DIP2C: variants seen among roughly 807,000 people sequenced by gnomAD.
DIP2C encodes DIP2 acetate--CoA ligase C (putative).
DIP2C carries 33 observed loss-of-function variants against 192.4 expected under a neutral mutation model. The observed-to-expected ratio is 0.17, with a 90% CI of 0.13 to 0.23. DIP2C has a LOEUF of 0.23. Among genes scored for constraint, DIP2C ranks in the 10% least tolerant of loss-of-function variants. The pLI is 1.00. For missense variants in DIP2C, 1,537 were observed against 2,110.1 expected (o/e 0.73, Z 5.32); for synonymous variants, 979 against 864.1 (o/e 1.13, Z -2.33).
intron 1 of DIP2C, among the ~76,000 whole-genome samples, chr10:624,117 G>A (rs1001506750): frequency 8.5e-5 from 13 of 152,226 alleles, no homozygotes; most frequent in African/African-American, 2.2e-4. Context: ...GCCCAAGGGC[G>A]CAGCCCCTGA....
chr10:571,133 G>C (rs1314515374), intron 1 of DIP2C, among the ~76,000 whole-genome samples: 1 of 152,210 alleles, frequency 6.6e-6, no homozygotes, highest in Non-Finnish European at 1.5e-5. Flanking sequence ...AGGAATCCCT[G>C]ACATTTCCAA....
At chr10:342,809 C>T (rs979864513) in intron 28 of DIP2C, among the ~76,000 whole-genome samples, 4 of 152,158 alleles carry the variant, frequency 2.6e-5, no homozygotes, top group African/African-American at 9.7e-5. Flanking sequence ...GAAGAGCTTC[C>T]GCATCTTCCT....
intron 1 of DIP2C, among the ~76,000 whole-genome samples, chr10:505,447 C>T (rs571361191): frequency 3.7e-4 from 56 of 152,256 alleles, no homozygotes; most frequent in African/African-American, 1.2e-3. Context: ...ATCTATTAAC[C>T]CCCTGCCTGA....
chr10:482,730 T>C (rs532209940), intron 2 of DIP2C, among the ~76,000 whole-genome samples: 20 of 152,332 alleles, frequency 1.3e-4, no homozygotes, highest in Non-Finnish European at 2.2e-4. Context: ...CTCCACGGCC[T>C]GTGTCATACA....
chr10:530,486 G>A (rs1847300132), intron 1 of DIP2C, among the ~76,000 whole-genome samples: 1 of 151,876 alleles, frequency 6.6e-6, no homozygotes, highest in Admixed American at 6.6e-5. Context: ...TGCTTGAGGG[G>A]GTGAGAGGAG....
At chr10:570,713 G>C (rs887826174) in intron 1 of DIP2C, among the ~76,000 whole-genome samples, 12 of 152,214 alleles carry the variant, frequency 7.9e-5, no homozygotes, top group African/African-American at 2.9e-4. Context: ...AGTCTGTTGA[G>C]AGGAGGAAGC....
At chr10:621,562 C>G (rs1311796838) in intron 1 of DIP2C, among the ~76,000 whole-genome samples, 4 of 152,188 alleles carry the variant, frequency 2.6e-5, no homozygotes, top group African/African-American at 7.2e-5. Flanking sequence ...CAAACAGTCA[C>G]AGAGAGGAAG....
rs769831922 is a variant in DIP2C at position 570,499 on chromosome 10, T to A, written c.86-83969A>T. ...ACCCACATCTCTCCACCTCCTCCTT[T>A]ACCAGTTTCCCGCAGCCCAGAGGCC... On this transcript the variant is annotated intron_variant, in intron 1 of 36. Coordinates refer to ENST00000280886, the MANE Select transcript of DIP2C (RefSeq NM_014974.3). 4.6e-4 allele frequency among the ~76,000 whole-genome samples: 70 copies of A among 152,160 alleles called. 1 individual carries two copies. Among genetic ancestry groups the A allele is most frequent in the Non-Finnish European group, 8.4e-4 (57 of 68,002 alleles).
chr10:555,040 T>C (rs1389538968), intron 1 of DIP2C, among the ~76,000 whole-genome samples: 1 of 152,126 alleles, frequency 6.6e-6, no homozygotes, highest in Non-Finnish European at 1.5e-5. Context: ...CCCCAAGTAA[T>C]TTTTTCATTT....
intron 23 of DIP2C, among the ~76,000 whole-genome samples, chr10:357,494 G>A (rs768827819): frequency 7.9e-5 from 12 of 152,220 alleles, no homozygotes; most frequent in Admixed American, 3.9e-4. Flanking sequence ...CGTGGGACTG[G>A]ACACCCCTCA....
intron 6 of DIP2C, among the ~76,000 whole-genome samples, chr10:418,592 C>CAA (rs1965963361): frequency 1.3e-5 from 2 of 152,324 alleles, no homozygotes; most frequent in African/African-American, 4.8e-5. Context: ...AGCCTGTTAC[C>CAA]AAGTCACCGA....
At chr10:682,453 C>G (rs766526099) in intron 1 of DIP2C, among the ~76,000 whole-genome samples, 9 of 151,904 alleles carry the variant, frequency 5.9e-5, no homozygotes, top group Non-Finnish European at 1.0e-4. Context: ...AGCCAAACAC[C>G]CAAATTTACA....
chr10:469,934 A>G (rs1209975841), intron 3 of DIP2C, among the ~76,000 whole-genome samples: 1 of 152,162 alleles, frequency 6.6e-6, no homozygotes, highest in East Asian at 1.9e-4. Context: ...GGCCTACACG[A>G]ATGAACAGAA....
chr10:348,106 G>A (rs765316154), intron 26 of DIP2C, among the ~76,000 whole-genome samples: 1 of 152,236 alleles, frequency 6.6e-6, no homozygotes, highest in Non-Finnish European at 1.5e-5. Context: ...CAGGTCTCCA[G>A]GACCATGCCA....
At chr10:429,068 G>T (rs549317817) in intron 4 of DIP2C, among the ~76,000 whole-genome samples, 1 of 151,862 alleles carries the variant, frequency 6.6e-6, no homozygotes, top group Non-Finnish European at 1.5e-5. Context: ...AAACTCCATC[G>T]TTCACATCAG....
rs576131940 is a variant in DIP2C, at chr10:372,984, T to G, written c.1992-3351A>C. Among the ~76,000 whole-genome samples, 6 of 152,336 alleles carry G rather than the reference T, an allele frequency of 3.9e-5. No individual in the cohort carries two copies. In the South Asian group the frequency reaches 1.2e-3, roughly 32 times the overall value. On this transcript the variant is annotated intron_variant, in intron 17 of 36. Transcript: ENST00000280886. ...CGTGTGCCAAATGGTTCTGACTCTT[T>G]CATGCATAGGGACTCGCTTAAAACT...
At chr10:346,512 C>T (rs1360369855) in intron 26 of DIP2C, among the ~76,000 whole-genome samples, 1 of 142,872 alleles carries the variant, frequency 7.0e-6, no homozygotes, top group Non-Finnish European at 1.5e-5. Context: ...CCAGACACAT[C>T]GCGCATAGTT....
chr10:654,845 G>T (rs1448414789), intron 1 of DIP2C, among the ~76,000 whole-genome samples: 1 of 152,104 alleles, frequency 6.6e-6, no homozygotes, highest in Non-Finnish European at 1.5e-5. Flanking sequence ...TACTATGATC[G>T]GTTTGTTCTA....
At chr10:415,941 G>A in intron 6 of DIP2C, 53 bp from the exon 7 acceptor site, 1 of 1,610,068 alleles carries the variant, frequency 6.2e-7, no homozygotes, top group Non-Finnish European at 8.5e-7. Flanking sequence ...GCTTCAATGA[G>A]CACCCACAGT....
Sources: allele counts gnomAD v4.1 joint callset (sites outside exome capture counted in the v4.1 genomes callset), GRCh38; gene constraint gnomAD v4.1.1; transcripts MANE v1.5; gene names NCBI Gene and HGNC (gene_info 2026-07-23, HGNC 2026-07-21).